Variants in CLRN1 observed in about 807,000 individuals in gnomAD.
The protein encoded by CLRN1 is clarin-1.
Under a neutral mutation model 18.7 loss-of-function variants are expected in CLRN1, and 15 were observed. That is an observed-to-expected ratio of 0.80 (90% confidence interval 0.54 to 1.23). CLRN1 has a LOEUF of 1.23. CLRN1 is among the 50% of genes most tolerant of loss of function. CLRN1 has a pLI of 0.00. For synonymous variants in CLRN1, 104 were observed against 102.9 expected, an observed-to-expected ratio of 1.01 and a Z score of -0.07; for missense variants, 311 against 277.5, an observed-to-expected ratio of 1.12 and a Z score of -0.86.
At chr3:150,967,913 G>A (rs1019341573) in intron 1 of CLRN1, among the ~76,000 whole-genome samples, 9 of 152,092 alleles carry the variant, frequency 5.9e-5, no homozygotes, top group African/African-American at 2.2e-4. Flanking sequence ...TCTCCAATTT[G>A]GGTCAAATGC....
intron 1 of CLRN1, among the ~76,000 whole-genome samples, chr3:150,957,600 GTC>G (rs1714812426): frequency 6.6e-6 from 1 of 152,106 alleles, no homozygotes; most frequent in Non-Finnish European, 1.5e-5. Flanking sequence ...TCCTTGACAA[GTC>G]TCCCCTCTCT....
chr3:150,959,318 G>A (rs75989798), intron 1 of CLRN1, among the ~76,000 whole-genome samples: 6,433 of 152,224 alleles, frequency 0.042, 450 homozygotes, highest in African/African-American at 0.15. Flanking sequence ...TGTCTCACAT[G>A]TCAAGTAATG....
intron 1 of CLRN1, among the ~76,000 whole-genome samples, chr3:150,956,683 T>C (rs1414363597): frequency 2.0e-5 from 3 of 152,170 alleles, no homozygotes; most frequent in African/African-American, 7.2e-5. Flanking sequence ...CCTGCAGTCA[T>C]TTGGTGAGGG....
In CLRN1 at chr3:150,953,060, C is replaced by A. The variant is rs186308964; in HGVS notation, c.254-11299G>T. 1.6e-3 allele frequency among the ~76,000 whole-genome samples: 237 copies of A among 152,254 alleles called. 1 individual carries two copies. The highest frequency in any genetic ancestry group is 5.5e-3 in the African/African-American group (230 of 41,548). On this transcript the variant is annotated intron_variant, in intron 1 of 2. Coordinates refer to ENST00000327047, the MANE Select transcript of CLRN1 (RefSeq NM_174878.3). ...ACTTTTCCTTGGTTGAAGCTGAGAG[C>A]AGACCATTCAAATAAATACTGAGAG...
At chr3:150,951,007 T>C (rs1027794143) in intron 1 of CLRN1, among the ~76,000 whole-genome samples, 2 of 151,780 alleles carry the variant, frequency 1.3e-5, no homozygotes, top group African/African-American at 4.8e-5. Context: ...ATAGATGGAG[T>C]TGGAGGCTAT....
intron 1 of CLRN1, among the ~76,000 whole-genome samples, chr3:150,947,564 T>C (rs900797207): frequency 5.3e-5 from 8 of 152,180 alleles, no homozygotes; most frequent in Admixed American, 2.0e-4. Context: ...CTAATAGACC[T>C]CTACAGAACT....
intron 1 of CLRN1, 85 bp from the exon 2 acceptor site, chr3:150,941,846 T>C: frequency 8.0e-7 from 1 of 1,244,822 alleles, no homozygotes; most frequent in East Asian, 2.5e-5. Flanking sequence ...ATCTCTCTTT[T>C]TTAATTTCAA....
At chr3:150,963,995 T>C (rs753230335) in intron 1 of CLRN1, among the ~76,000 whole-genome samples, 5 of 152,108 alleles carry the variant, frequency 3.3e-5, no homozygotes, top group African/African-American at 9.7e-5. Flanking sequence ...ATTCAGGACA[T>C]AGGCGTGGGC....
Position 150,971,206 on chromosome 3 carries a change from C to T in CLRN1, c.253+1250G>A, listed in dbSNP as rs182743825. Reference sequence around the variant, plus strand: ...CATTCTGCTTTGTTTTCTTCCTTCCCCTTCCCCAGGAAAACTAAGCAACTC... The same window carrying T: ...CATTCTGCTTTGTTTTCTTCCTTCCTCTTCCCCAGGAAAACTAAGCAACTC... On this transcript the variant is annotated intron_variant, in intron 1 of 2. Coordinates refer to ENST00000327047, the MANE Select transcript of CLRN1 (RefSeq NM_174878.3). Among the ~76,000 whole-genome samples, 5 of 152,292 alleles carry T rather than the reference C, an allele frequency of 3.3e-5. No homozygotes were observed. The East Asian group carries it at 7.7e-4, about 24-fold the overall frequency.
intron 2 of CLRN1, 161 bp downstream of exon 2, chr3:150,941,421 G>A: frequency 2.9e-6 from 2 of 699,764 alleles, no homozygotes; most frequent in Non-Finnish European, 5.0e-6. Context: ...ATTCCCTACT[G>A]TTGAGCAAGT....
At chr3:150,969,923 C>T (rs981212394) in intron 1 of CLRN1, among the ~76,000 whole-genome samples, 1 of 151,970 alleles carries the variant, frequency 6.6e-6, no homozygotes, top group Non-Finnish European at 1.5e-5. Flanking sequence ...TGCAGTGAGC[C>T]GAAAAAACTG....
chr3:150,959,444 C>T (rs1458512651), intron 1 of CLRN1, among the ~76,000 whole-genome samples: 1 of 152,060 alleles, frequency 6.6e-6, no homozygotes, highest in Non-Finnish European at 1.5e-5. Context: ...GCCTGGCCAA[C>T]ATGGTGAAAC....
rs775302520 is a variant in CLRN1 at position 150,941,731 on chromosome 3, A to C, written c.284T>G (p.Val95Gly). Residue 95 changes from valine (V) to glycine (G), a missense_variant, in exon 2 of 3, where the codon GTG becomes GGG. Transcript: ENST00000327047. ...GAGAATGACATTGACGTGGATGCTC[A>C]CTGGGATTGCTTTGAGCAAATCTGG... is the stretch of plus-strand genomic sequence containing the variant. ...FFPDLLKAIP[V>G]SIHVNVILFS... 1.2e-6 allele frequency: 2 copies of C among 1,614,104 alleles called. No individual in the cohort carries two copies. The highest frequency in any genetic ancestry group is 1.7e-5 in the Admixed American group (1 of 60,020).
At chr3:150,957,183 T>C (rs949688133) in intron 1 of CLRN1, among the ~76,000 whole-genome samples, 7 of 152,198 alleles carry the variant, frequency 4.6e-5, no homozygotes, top group South Asian at 2.1e-4. Flanking sequence ...AGCCTTTTCC[T>C]CTCTACTGCT....
chr3:150,936,576 G>A (rs566869358), intron 2 of CLRN1, among the ~76,000 whole-genome samples: 1 of 152,120 alleles, frequency 6.6e-6, no homozygotes. Context: ...AATGTTTTTA[G>A]AATCCATTCA....
chr3:150,958,223 C>T (rs1213647904), intron 1 of CLRN1, among the ~76,000 whole-genome samples: 1 of 152,198 alleles, frequency 6.6e-6, no homozygotes, highest in Non-Finnish European at 1.5e-5. Flanking sequence ...AACAACTGTC[C>T]ATTCAGTAGA....
intron 1 of CLRN1, among the ~76,000 whole-genome samples, chr3:150,966,292 C>T (rs565074215): frequency 3.9e-5 from 6 of 152,290 alleles, no homozygotes; most frequent in Non-Finnish European, 7.3e-5. Context: ...CCAGGCTGGA[C>T]GACAGAGTGA....
rs779393799 is a variant in CLRN1, at chr3:150,943,925, G to A, written c.254-2164C>T. 4 of 1,609,706 alleles carry A rather than the reference G, an allele frequency of 2.5e-6. No individual in the cohort carries two copies. In the South Asian group the frequency reaches 3.3e-5, roughly 13 times the overall value. ...CGTGTGCTCCCTCCTGCAAGAGGTT[G>A]AGCAGGGCAGGCTGAGTAAATGGGG... On this transcript the variant is annotated intron_variant, in intron 1 of 2. Transcript: ENST00000327047.
chr3:150,933,502 G>C (rs1199447732), intron 2 of CLRN1, among the ~76,000 whole-genome samples: 1 of 152,096 alleles, frequency 6.6e-6, no homozygotes, highest in Non-Finnish European at 1.5e-5. Context: ...TGAAGGAAGA[G>C]TGAATGCAAA....
Sources: allele counts gnomAD v4.1 joint callset (sites outside exome capture counted in the v4.1 genomes callset), GRCh38; gene constraint gnomAD v4.1.1; transcripts MANE v1.5; gene names NCBI Gene and HGNC (gene_info 2026-07-23, HGNC 2026-07-21).